Variants in TMEM260 observed in about 807,000 individuals in gnomAD.
The protein encoded by TMEM260 is protein O-mannosyl-transferase TMEM260.
Under a neutral mutation model 88.9 loss-of-function variants are expected in TMEM260, and 82 were observed. The ratio of observed to expected loss-of-function variants is 0.92; its 90% confidence interval spans 0.77 to 1.11. The LOEUF is 1.11. Ranked by LOEUF, TMEM260 falls within the 50% of genes least tolerant of loss-of-function variation. The pLI, the probability that TMEM260 is intolerant of heterozygous loss-of-function variation, is 0.00. For missense variants in TMEM260, 902 were observed against 853.4 expected (o/e 1.06, Z -0.71); for synonymous variants, 314 against 309.3 (o/e 1.02, Z -0.16).
chr14:56,606,899 A>AAAATAAAT (rs547579931), intron 5 of TMEM260, among the ~76,000 whole-genome samples: 58 of 152,282 alleles, frequency 3.8e-4, no homozygotes, highest in African/African-American at 1.3e-3. Context: ...CGTCTCCAAA[A>AAAATAAAT]AAATAAATAA....
chr14:56,597,170 A>G (rs1274076993), intron 3 of TMEM260, among the ~76,000 whole-genome samples: 2 of 152,210 alleles, frequency 1.3e-5, no homozygotes, highest in Non-Finnish European at 2.9e-5. Flanking sequence ...TTCCACATAC[A>G]GGTTAAACAT....
intron 3 of TMEM260, among the ~76,000 whole-genome samples, chr14:56,601,556 T>C (rs1886577396): frequency 6.6e-6 from 1 of 152,172 alleles, no homozygotes; most frequent in African/African-American, 2.4e-5. Context: ...ACTATACATA[T>C]TCTGTTACTC....
Position 56,579,926 on chromosome 14 carries a change from T to A in TMEM260, c.12T>A (p.His4Gln). 1 of 1,234,698 alleles carries A rather than the reference T, an allele frequency of 8.1e-7. No homozygotes were observed. Among genetic ancestry groups the A allele is most frequent in the South Asian group, 4.1e-5 (1 of 24,426 alleles). 76.5% of individuals were successfully genotyped at this position (1,234,698 alleles called of 1,614,324 possible). ...GTCGCCACTGGCCCATGAGTCCCCA[T>A]GGCGACGGCAGGGGCCAGGCCCAGG... MSP[H>Q]GDGRGQAQGR... The change falls in exon 1 of 16, where the codon CAT becomes CAA. Residue 4 changes from histidine (H) to glutamine (Q), a missense_variant. His to Gln is a conservative substitution (Grantham distance 24). Transcript: ENST00000261556.
chr14:56,643,033 C>T (rs908867209), intron 15 of TMEM260, among the ~76,000 whole-genome samples: 1 of 152,098 alleles, frequency 6.6e-6, no homozygotes, highest in Non-Finnish European at 1.5e-5. Flanking sequence ...AGCTTACCAA[C>T]CAAAAAAAGT....
intron 6 of TMEM260, among the ~76,000 whole-genome samples, chr14:56,610,866 G>GAATT (rs1222186431): frequency 6.6e-6 from 1 of 151,948 alleles, no homozygotes; most frequent in African/African-American, 2.4e-5. Flanking sequence ...GTCTATAATG[G>GAATT]AAGTATAAAA....
the TMEM260 span, among the ~76,000 whole-genome samples, chr14:56,662,796 T>C: frequency 6.6e-6 from 1 of 152,348 alleles, no homozygotes; most frequent in South Asian, 2.1e-4. Flanking sequence ...AGCACAGTTT[T>C]AATTGTCCAG....
chr14:56,612,337 T>G, intron 7 of TMEM260, 52 bp downstream of exon 7: 1 of 1,474,070 alleles, frequency 6.8e-7, no homozygotes, highest in Non-Finnish European at 9.5e-7. Context: ...TATTAGTTCC[T>G]TTAAGTGATT....
chr14:56,582,596 C>T (rs918315791), intron 1 of TMEM260, among the ~76,000 whole-genome samples: 1 of 152,140 alleles, frequency 6.6e-6, no homozygotes, highest in Non-Finnish European at 1.5e-5. Flanking sequence ...TCAGAATTAC[C>T]TGGGAAACTT....
At chr14:56,587,508 A>G (rs1440158412) in intron 3 of TMEM260, among the ~76,000 whole-genome samples, 2 of 151,982 alleles carry the variant, frequency 1.3e-5, no homozygotes, top group Non-Finnish European at 2.9e-5. Flanking sequence ...ATTAATTATA[A>G]TGGTTTAGAT....
intron 13 of TMEM260, among the ~76,000 whole-genome samples, chr14:56,633,794 TCA>T (rs148263779): frequency 6.6e-6 from 1 of 151,790 alleles, no homozygotes; most frequent in Admixed American, 6.6e-5. Flanking sequence ...TTACTTGATT[TCA>T]CACACACACA....
At chr14:56,623,492 C>T (rs915289442) in intron 11 of TMEM260, among the ~76,000 whole-genome samples, 7 of 152,184 alleles carry the variant, frequency 4.6e-5, no homozygotes, top group African/African-American at 1.7e-4. Context: ...CATATACTCA[C>T]ACCTAAACTG....
intron 3 of TMEM260, among the ~76,000 whole-genome samples, chr14:56,591,869 A>G (rs1253231471): frequency 6.6e-6 from 1 of 152,216 alleles, no homozygotes; most frequent in Non-Finnish European, 1.5e-5. Context: ...GAATTGTTTT[A>G]AACTTTAAAT....
chr14:56,640,950 T>C (rs897705268), intron 15 of TMEM260, among the ~76,000 whole-genome samples: 1 of 150,796 alleles, frequency 6.6e-6, no homozygotes, highest in Admixed American at 6.6e-5. Flanking sequence ...GAAAAAAGAA[T>C]AACAAGAAAC....
chr14:56,621,809 C>A (rs1887941481), intron 11 of TMEM260, 107 bp downstream of exon 11: 6 of 878,428 alleles, frequency 6.8e-6, no homozygotes, highest in Non-Finnish European at 8.3e-6. Flanking sequence ...TTCATGATCA[C>A]TGTTAGGTAG....
chr14:56,622,691 T>C (rs970862034), intron 11 of TMEM260, among the ~76,000 whole-genome samples: 1 of 152,158 alleles, frequency 6.6e-6, no homozygotes, highest in African/African-American at 2.4e-5. Context: ...TCTGGTGTTT[T>C]TAGAGCAGTC....
At chr14:56,605,760 T>C (rs1209548121) in intron 5 of TMEM260, 77 bp downstream of exon 5, 1 of 879,378 alleles carries the variant, frequency 1.1e-6, no homozygotes, top group East Asian at 2.6e-5. Context: ...ATGAGAAAAT[T>C]TCAGGCTTTA....
At chr14:56,601,837 T>C (rs919153477) in intron 3 of TMEM260, among the ~76,000 whole-genome samples, 2 of 152,134 alleles carry the variant, frequency 1.3e-5, no homozygotes, top group African/African-American at 4.8e-5. Context: ...TCCTGTGTCC[T>C]TCTGTCATGC....
At chr14:56,650,878 A>G (rs1204060253), downstream of TMEM260, among the ~76,000 whole-genome samples, 1 of 151,772 alleles carries the variant, frequency 6.6e-6, no homozygotes, top group Non-Finnish European at 1.5e-5. Flanking sequence ...ACCAAAGTTG[A>G]AAAAAAATAG....
At chr14:56,655,803 C>A in the TMEM260 span, among the ~76,000 whole-genome samples, 2 of 152,042 alleles carry the variant, frequency 1.3e-5, no homozygotes, top group East Asian at 1.9e-4. Flanking sequence ...TTATCATGCA[C>A]CTGGATGAAG....
Sources: gnomAD v4.1 joint callset for allele counts (sites outside exome capture counted in the v4.1 genomes callset) on GRCh38, gnomAD v4.1.1 for gene constraint, MANE v1.5 for transcripts, NCBI Gene and HGNC (gene_info 2026-07-23, HGNC 2026-07-21) for gene names.